NLRP7: variants seen among roughly 807,000 people sequenced by gnomAD.
The protein encoded by NLRP7 is NLR family pyrin domain containing 7.
Under a neutral mutation model 85.5 loss-of-function variants are expected in NLRP7, and 72 were observed. That is an observed-to-expected ratio of 0.84 (90% CI 0.70 to 1.02). The LOEUF is 1.02. Among genes scored for constraint, NLRP7 ranks in the 50% least tolerant of loss-of-function variants. The probability of loss-of-function intolerance (pLI) is 0.00; values close to 1 mark genes in which losing one functional copy is unlikely to be tolerated. For synonymous variants in NLRP7, 550 were observed against 505.2 expected, an observed-to-expected ratio of 1.09 and a Z score of -1.19; for missense variants, 1,243 against 1,219.5, an observed-to-expected ratio of 1.02 and a Z score of -0.29.
At chr19:54,945,771 G>A (rs775838) in intron 1 of NLRP7, among the ~76,000 whole-genome samples, 152 of 150,840 alleles carry the variant, frequency 1.0e-3, no homozygotes, top group African/African-American at 3.6e-3. Flanking sequence ...GCTAGTTTTT[G>A]TATTTTTAGT....
At chr19:54,940,151 A>G (rs760948071) in exon 4 of NLRP7, 1 of 1,614,208 alleles carries the variant, frequency 6.2e-7, no homozygotes, top group South Asian at 1.1e-5. Flanking sequence ...CAGCTCTGCA[A>G]AACTGCAGGG....
exon 4 of NLRP7, chr19:54,938,916 C>T: frequency 6.2e-7 from 1 of 1,614,188 alleles, no homozygotes; most frequent in Non-Finnish European, 8.5e-7. Flanking sequence ...AGTTCAAAAT[C>T]CATGTAATTC....
At chr19:54,946,988 C>G (rs1183345066) in intron 1 of NLRP7, among the ~76,000 whole-genome samples, 1 of 151,850 alleles carries the variant, frequency 6.6e-6, no homozygotes, top group Non-Finnish European at 1.5e-5. Context: ...CCAGGCTAGT[C>G]TCAATCTCCT....
At chr19:54,927,849 C>T (rs183446309) in intron 9 of NLRP7, 74 bp from the exon 10 acceptor site, 546 of 1,379,004 alleles carry the variant, frequency 4.0e-4, no homozygotes, top group Non-Finnish European at 3.6e-4. Context: ...CCCAACACTT[C>T]GGGAGGCCAA....
At chr19:54,939,681 C>A (rs104895557) in exon 4 of NLRP7, 11 of 1,613,076 alleles carry the variant, frequency 6.8e-6, no homozygotes, top group Admixed American at 6.7e-5. Flanking sequence ...GGGTCCTCCC[C>A]CTTCTCCATC....
chr19:54,956,711 G>T (rs146734122), intron 1 of NLRP7, among the ~76,000 whole-genome samples: 1 of 150,796 alleles, frequency 6.6e-6, no homozygotes, highest in Non-Finnish European at 1.5e-5. Flanking sequence ...AAAAAAGGCC[G>T]GGCGCAGTGG....
At position 54,934,402 on chromosome 19, in the gene NLRP7, T is replaced by G; in HGVS notation, c.2471+87A>C. On this transcript the variant is annotated intron_variant, in intron 7 of 9. Transcript: ENST00000340844. This position sits in a 1 kb window ranked among gnomAD's most constrained non-coding sequence, Gnocchi z 6.7. ...GTTTATTTCAGCAAGAGGCGCCACG[T>G]GGGTGGCGCAGTAAGTCAGGTGTTA... is the stretch of plus-strand genomic sequence containing the variant. The G allele has an allele frequency of 7.5e-7, 1 of 1,338,320 alleles. No homozygotes were observed. The highest frequency in any genetic ancestry group is 1.1e-6 in the Non-Finnish European group (1 of 928,644). The allele number at this position is 1,338,320 out of a possible 1,614,324, so 82.9% of individuals were successfully genotyped here.
chr19:54,940,478 G>A lies in NLRP7; in HGVS notation c.353-12C>T. 1 of 1,613,004 alleles carries A rather than the reference G, an allele frequency of 6.2e-7. No individual in the cohort carries two copies. ...TCCTTCCTTTTCACCTGCAGTGACA[G>A]CCCATAGGACAGTTGAGGTTGATGA... On this transcript the variant is annotated splice_polypyrimidine_tract_variant and intron_variant, in intron 3 of 9. Coordinates refer to ENST00000340844, the Ensembl canonical transcript of NLRP7.
At chr19:54,930,631 C>G in exon 9 of NLRP7, 1 of 1,613,506 alleles carries the variant, frequency 6.2e-7, no homozygotes, top group Non-Finnish European at 8.5e-7. Context: ...TGAGAGATAT[C>G]TACAGCCAAG....
chr19:54,938,253 C>T lies in NLRP7; in HGVS notation c.1932-12G>A. 1 of 1,612,414 alleles carries T rather than the reference C, an allele frequency of 6.2e-7. No individual in the cohort carries two copies. Among genetic ancestry groups the T allele is most frequent in the Non-Finnish European group, 8.5e-7 (1 of 1,178,524 alleles). ...TTAGGTAAGTGCACCTGCAGGAGAA[C>T]ACACGTTCATCTCTTAGGACTAGTA... On this transcript the variant is annotated splice_polypyrimidine_tract_variant and intron_variant, in intron 4 of 9. Coordinates refer to ENST00000340844, the Ensembl canonical transcript of NLRP7.
chr19:54,937,332 C>T (rs1385556402), intron 5 of NLRP7, among the ~76,000 whole-genome samples: 2 of 151,784 alleles, frequency 1.3e-5, no homozygotes, highest in Non-Finnish European at 2.9e-5. Context: ...CACACGGTTA[C>T]CTGTGTAACT....
intron 1 of NLRP7, 108 bp from the exon 2 acceptor site, chr19:54,941,858 A>G (rs2069244784): frequency 1.2e-6 from 1 of 850,726 alleles, no homozygotes; most frequent in Non-Finnish European, 1.8e-6. Flanking sequence ...TGAGTGGTAA[A>G]ATATTCCAAA....
upstream of NLRP7, among the ~76,000 whole-genome samples, chr19:54,949,184 G>A (rs570365638): frequency 2.6e-5 from 4 of 151,838 alleles, no homozygotes; most frequent in East Asian, 1.9e-4. Flanking sequence ...AGGCTGAGGC[G>A]TAAGAATTGA....
At position 54,936,244 on chromosome 19, in the gene NLRP7, G is replaced by C. The variant is rs17699561; in HGVS notation, c.2300+17C>G. ...TGGACTCCAGGTGCTGGGGAGAGCC[G>C]TGACCGTGAGACCCACCTCAGGTAC... On this transcript the variant is annotated intron_variant, in intron 6 of 9. Transcript: ENST00000340844. 6.2e-7 allele frequency: 1 copy of C among 1,608,184 alleles called. No homozygotes were observed.
chr19:54,925,688 AG>A (rs1473530169), intron 9 of NLRP7, among the ~76,000 whole-genome samples: 2 of 152,074 alleles, frequency 1.3e-5, no homozygotes, highest in Admixed American at 1.3e-4. Context: ...AAGAAACTAA[AG>A]GTAGATTACG....
chr19:54,953,762 G>C (rs770414960), intron 1 of NLRP7, among the ~76,000 whole-genome samples: 1 of 151,850 alleles, frequency 6.6e-6, no homozygotes, highest in Non-Finnish European at 1.5e-5. Context: ...CAGCACTTTC[G>C]GGGGCTGAGG....
chr19:54,934,448 C>G lies in NLRP7; in HGVS notation c.2471+41G>C. 5 of 1,607,496 alleles carry G rather than the reference C, an allele frequency of 3.1e-6. No individual in the cohort carries two copies. Among genetic ancestry groups the G allele is most frequent in the African/African-American group, 1.3e-5 (1 of 74,904 alleles). On this transcript the variant is annotated intron_variant, in intron 7 of 9. Coordinates refer to ENST00000340844, the Ensembl canonical transcript of NLRP7. The surrounding 1 kb of genome is among the most constrained non-coding windows in gnomAD (Gnocchi z 6.7). ...TGTTACCCTTTCTCTTCTATAGCCC[C>G]AGAACTAAACCAGAGCTGCCCATGG...
At chr19:54,942,544 C>T (rs916839075) in intron 1 of NLRP7, among the ~76,000 whole-genome samples, 12 of 147,984 alleles carry the variant, frequency 8.1e-5, no homozygotes, top group Non-Finnish European at 1.2e-4. Context: ...ACCAACACGG[C>T]GAAACCCCAT....
intron 8 of NLRP7, among the ~76,000 whole-genome samples, chr19:54,932,902 TCAC>T (rs1036243052): frequency 6.6e-6 from 1 of 152,044 alleles, no homozygotes; most frequent in African/African-American, 2.4e-5. Flanking sequence ...TGCCCACCAT[TCAC>T]CACCTGTTCC....
Sources: allele counts gnomAD v4.1 joint callset (sites outside exome capture counted in the v4.1 genomes callset), GRCh38; gene constraint gnomAD v4.1.1; non-coding constraint Gnocchi (gnomAD v3.1); transcripts MANE v1.5; gene names NCBI Gene and HGNC (gene_info 2026-07-23, HGNC 2026-07-21).